LEPROT: variants seen among roughly 807,000 people sequenced by gnomAD.
LEPROT encodes leptin receptor overlapping transcript.
LEPROT carries 3 observed loss-of-function variants against 15.4 expected under a neutral mutation model. The ratio of observed to expected loss-of-function variants is 0.19; its 90% confidence interval spans 0.09 to 0.50. LEPROT has a LOEUF of 0.50. Ranked by LOEUF, LEPROT falls within the 20% of genes least tolerant of loss-of-function variation. The pLI is 0.97. For synonymous variants in LEPROT, 59 were observed against 57.5 expected, an observed-to-expected ratio of 1.03 and a Z score of -0.12; for missense variants, 137 against 162.2, an observed-to-expected ratio of 0.84 and a Z score of 0.84.
chr1:65,434,709 C>T lies in LEPROT; in HGVS notation c.*2790C>T. The T allele has an allele frequency of 2.0e-6, 2 of 985,428 alleles. No individual in the cohort carries two copies. The highest frequency in any genetic ancestry group is 2.4e-6 in the Non-Finnish European group (2 of 829,944). The allele number at this position is 985,428 out of a possible 1,614,324, so 61.0% of individuals were successfully genotyped here. ...CTTTTAATTTTTCCACTCATTTTCACCTCCTAATGCCCTTGAGATCCAGGT... is the reference window on the plus strand; with the variant it reads ...CTTTTAATTTTTCCACTCATTTTCATCTCCTAATGCCCTTGAGATCCAGGT... On this transcript the variant is annotated 3_prime_UTR_variant, in exon 4 of 4. Coordinates refer to ENST00000371065, the MANE Select transcript of LEPROT (RefSeq NM_017526.5).
chr1:65,420,928 G>C (rs1646234036), intron 1 of LEPROT, among the ~76,000 whole-genome samples, 188 bp downstream of exon 1: 1 of 152,166 alleles, frequency 6.6e-6, no homozygotes, highest in Non-Finnish European at 1.5e-5. Flanking sequence ...CGTTTCGGGG[G>C]AGCCTTGGCC....
intron 2 of LEPROT, 77 bp downstream of exon 2, chr1:65,425,455 G>A (rs183714078): frequency 7.9e-5 from 102 of 1,287,470 alleles, no homozygotes; most frequent in Non-Finnish European, 1.0e-4. Context: ...AGAGAGTTCG[G>A]TCAATTTAGC....
intron 2 of LEPROT, 45 bp from the exon 3 acceptor site, chr1:65,429,817 A>C: frequency 1.5e-6 from 2 of 1,359,224 alleles, no homozygotes; most frequent in Non-Finnish European, 1.9e-6. Flanking sequence ...TTTAAAATGT[A>C]ACTGTTACTT....
chr1:65,425,037 T>C (rs1646332147), intron 1 of LEPROT, among the ~76,000 whole-genome samples: 1 of 152,238 alleles, frequency 6.6e-6, no homozygotes, highest in Non-Finnish European at 1.5e-5. Context: ...TGGGACCTTT[T>C]TTTCTTTCTT....
chr1:65,432,855 T>C lies in LEPROT; in HGVS notation c.*936T>C. On this transcript the variant is annotated 3_prime_UTR_variant, in exon 4 of 4. Coordinates refer to ENST00000371065, the MANE Select transcript of LEPROT (RefSeq NM_017526.5). The stretch of plus-strand genomic sequence containing the variant: ...TAAATATTTGAGATCATATGTTAAT[T>C]AGTGTAATCATTCCACCTTATATTC... The C allele has an allele frequency of 5.9e-6, 4 of 676,452 alleles. No homozygotes were observed. The highest frequency in any genetic ancestry group is 7.3e-6 in the Non-Finnish European group (4 of 547,710). The allele number at this position is 676,452 out of a possible 1,614,324, so 41.9% of individuals were successfully genotyped here.
At chr1:65,427,733 C>G in intron 2 of LEPROT, 1 of 371,064 alleles carries the variant, frequency 2.7e-6, no homozygotes, top group Non-Finnish European at 5.4e-6. Context: ...ATTACTGCTA[C>G]TACAAATAAG....
At position 65,435,780 on chromosome 1, in the gene LEPROT, T is replaced by C; in HGVS notation, c.*3861T>C. On this transcript the variant is annotated 3_prime_UTR_variant, in exon 4 of 4. Transcript: ENST00000371065. Reference sequence around the variant, plus strand: ...TAGTAATTAGTTCACAACTGAGAAATATTATGTCTGTAGTAGATAAATATT... The same window carrying C: ...TAGTAATTAGTTCACAACTGAGAAACATTATGTCTGTAGTAGATAAATATT... 2.0e-6 allele frequency: 2 copies of C among 981,392 alleles called. No homozygotes were observed. Among genetic ancestry groups the C allele is most frequent in the Non-Finnish European group, 2.4e-6 (2 of 826,280 alleles). The allele number at this position is 981,392 out of a possible 1,614,324, so 60.8% of individuals were successfully genotyped here.
chr1:65,431,800 C>T lies in LEPROT; in HGVS notation c.280-3C>T. The T allele has an allele frequency of 6.2e-7, 1 of 1,610,622 alleles. No individual in the cohort carries two copies. Among genetic ancestry groups the T allele is most frequent in the Non-Finnish European group, 8.5e-7 (1 of 1,178,918 alleles). On this transcript the variant is annotated splice_region_variant and splice_polypyrimidine_tract_variant and intron_variant, in intron 3 of 3. Coordinates refer to ENST00000371065, the MANE Select transcript of LEPROT (RefSeq NM_017526.5). ...ATTTAATCCTTCTTTTCTTGTCTTT[C>T]AGATCAAATGGGGAGCCTGCGGCCT...
Position 65,434,180 on chromosome 1 carries a change from GAA to G in LEPROT, c.*2264_*2265del, listed in dbSNP as rs1225242609. The stretch of plus-strand genomic sequence containing the variant: ...AGATTATTAGATTTGCTCTATGTCT[GAA>G]AAGAGAGCTATTCTGCAGTGCCTAA... On this transcript the variant is annotated 3_prime_UTR_variant, in exon 4 of 4. Coordinates refer to ENST00000371065, the MANE Select transcript of LEPROT (RefSeq NM_017526.5). 7.1e-6 allele frequency: 7 copies of G among 983,492 alleles called. No homozygotes were observed. Among genetic ancestry groups the G allele is most frequent in the Non-Finnish European group, 8.5e-6 (7 of 828,198 alleles). 60.9% of individuals were successfully genotyped at this position (983,492 alleles called of 1,614,324 possible).
At chr1:65,425,231 A>G in intron 1 of LEPROT, 72 bp from the exon 2 acceptor site, 1 of 1,348,442 alleles carries the variant, frequency 7.4e-7, no homozygotes, top group Admixed American at 2.0e-5. Context: ...GTCACTCCCC[A>G]TTTCCCCAAA....
chr1:65,433,069 C>T lies in LEPROT; in HGVS notation c.*1150C>T, dbSNP rs1570438879. On this transcript the variant is annotated 3_prime_UTR_variant, in exon 4 of 4. Coordinates refer to ENST00000371065, the MANE Select transcript of LEPROT (RefSeq NM_017526.5). Reference sequence around the variant, plus strand: ...GAGATGCGGGCAGGGAGGCTGGGCTCGAGCCAGCCCCTGCGTTAGCAGGAG... The same window carrying T: ...GAGATGCGGGCAGGGAGGCTGGGCTTGAGCCAGCCCCTGCGTTAGCAGGAG... 4.1e-6 allele frequency: 4 copies of T among 985,240 alleles called. No individual in the cohort carries two copies. The highest frequency in any genetic ancestry group is 1.7e-5 in the African/African-American group (1 of 57,200). The allele number at this position is 985,240 out of a possible 1,614,324, so 61.0% of individuals were successfully genotyped here. A position where few individuals can be genotyped will look rare whatever the true frequency, so the allele number is the denominator to read the frequency against.
At chr1:65,425,485 G>C in intron 2 of LEPROT, 107 bp downstream of exon 2, 1 of 870,186 alleles carries the variant, frequency 1.1e-6, no homozygotes, top group Non-Finnish European at 1.7e-6. Flanking sequence ...TAACCAGTGA[G>C]TTAGTGGAGC....
rs564479875 is a variant in LEPROT at position 65,435,740 on chromosome 1, A to G, written c.*3821A>G. On this transcript the variant is annotated 3_prime_UTR_variant, in exon 4 of 4. Transcript: ENST00000371065. Reference sequence around the variant, plus strand: ...GAACCAAAATATTTATGAGGATGCTAGCATTTTCCAAGCATAGTAATTAGT... The same window carrying G: ...GAACCAAAATATTTATGAGGATGCTGGCATTTTCCAAGCATAGTAATTAGT... The G allele has an allele frequency of 4.1e-6, 4 of 985,154 alleles. No individual in the cohort carries two copies. The African/African-American group carries it at 5.2e-5, about 13-fold the overall frequency. 61.0% of individuals were successfully genotyped at this position (985,154 alleles called of 1,614,324 possible). A position where few individuals can be genotyped will look rare whatever the true frequency, so the allele number is the denominator to read the frequency against.
intron 1 of LEPROT, chr1:65,421,425 C>G (rs984770525): frequency 6.5e-7 from 1 of 1,535,906 alleles, no homozygotes; most frequent in Non-Finnish European, 8.7e-7. Context: ...CAATGCGAGA[C>G]GGAAAAGGTT....
In LEPROT at chr1:65,433,158, T is replaced by C; in HGVS notation, c.*1239T>C. The C allele has an allele frequency of 3.0e-6, 3 of 985,448 alleles. No individual in the cohort carries two copies. Among genetic ancestry groups the C allele is most frequent in the Non-Finnish European group, 3.6e-6 (3 of 829,980 alleles). 61.0% of individuals were successfully genotyped at this position (985,448 alleles called of 1,614,324 possible). On this transcript the variant is annotated 3_prime_UTR_variant, in exon 4 of 4. Coordinates refer to ENST00000371065, the MANE Select transcript of LEPROT (RefSeq NM_017526.5). The stretch of plus-strand genomic sequence containing the variant: ...TGATCTGGCACTTCTCCCCAGCTCC[T>C]TCCCTCTGCCCCCCACCCCTACTCC...
At chr1:65,426,068 T>C (rs1030853630) in intron 2 of LEPROT, among the ~76,000 whole-genome samples, 33 of 138,976 alleles carry the variant, frequency 2.4e-4, no homozygotes, top group Admixed American at 4.8e-4. Context: ...GTAGAAATGG[T>C]ACAAAAGATG....
intron 1 of LEPROT, among the ~76,000 whole-genome samples, chr1:65,422,799 G>C (rs1646277419): frequency 6.6e-6 from 1 of 152,242 alleles, no homozygotes; most frequent in Non-Finnish European, 1.5e-5. Flanking sequence ...CAGGCAGTTA[G>C]GAGTGAGTCA....
Position 65,433,285 on chromosome 1 carries a change from C to T in LEPROT, c.*1366C>T. On this transcript the variant is annotated 3_prime_UTR_variant, in exon 4 of 4. Coordinates refer to ENST00000371065, the MANE Select transcript of LEPROT (RefSeq NM_017526.5). The stretch of plus-strand genomic sequence containing the variant: ...GCAGTGGGTGAACTGCTTAATTTCA[C>T]TACGTGTTGATGTACTTGTCTTCCG... The T allele has an allele frequency of 4.1e-6, 4 of 985,374 alleles. No homozygotes were observed. The highest frequency in any genetic ancestry group is 3.6e-6 in the Non-Finnish European group (3 of 829,892). The allele number at this position is 985,374 out of a possible 1,614,324, so 61.0% of individuals were successfully genotyped here.
chr1:65,432,817 C>A lies in LEPROT; in HGVS notation c.*898C>A. ...GCTAAGAGAGTAAATTTCTAATGTT[C>A]TCATAAAAAAGTTAAATATTTGAGA... On this transcript the variant is annotated 3_prime_UTR_variant, in exon 4 of 4. Coordinates refer to ENST00000371065, the MANE Select transcript of LEPROT (RefSeq NM_017526.5). The A allele has an allele frequency of 3.4e-6, 2 of 582,480 alleles. No individual in the cohort carries two copies. Among genetic ancestry groups the A allele is most frequent in the South Asian group, 7.6e-5 (1 of 13,140 alleles). The allele number at this position is 582,480 out of a possible 1,614,324, so 36.1% of individuals were successfully genotyped here.
Sources: gnomAD v4.1 joint callset for allele counts (sites outside exome capture counted in the v4.1 genomes callset) on GRCh38, gnomAD v4.1.1 for gene constraint, MANE v1.5 for transcripts, NCBI Gene and HGNC (gene_info 2026-07-23, HGNC 2026-07-21) for gene names.